CCDC32: variants seen among roughly 807,000 people sequenced by gnomAD.
CCDC32 encodes coiled-coil domain-containing protein 32.
CCDC32 carries 9 observed loss-of-function variants against 20.1 expected under a neutral mutation model. The observed-to-expected ratio is 0.45, with a 90% CI of 0.27 to 0.78. The LOEUF (loss-of-function observed/expected upper bound fraction) is 0.78, where lower values mean the gene tolerates loss of function less well. Ranked by LOEUF, CCDC32 falls within the 30% of genes least tolerant of loss-of-function variation. CCDC32 has a pLI of 0.16. For synonymous variants in CCDC32, 63 were observed against 79.0 expected (o/e 0.80, Z 1.07); for missense variants, 204 against 215.5 (o/e 0.95, Z 0.33).
downstream of CCDC32, among the ~76,000 whole-genome samples, chr15:40,530,245 A>G: frequency 7.2e-6 from 1 of 138,324 alleles, no homozygotes; most frequent in South Asian, 2.4e-4. Flanking sequence ...GTGAGCCAAG[A>G]TTGTGCCATT....
chr15:40,530,350 T>C (rs975790644), downstream of CCDC32, among the ~76,000 whole-genome samples: 1 of 149,682 alleles, frequency 6.7e-6, no homozygotes, highest in African/African-American at 2.4e-5. Flanking sequence ...TGGGAGATGT[T>C]TGGGTCATGG....
intron 2 of CCDC32, among the ~76,000 whole-genome samples, chr15:40,559,556 A>C (rs9806410): frequency 2.6e-5 from 4 of 151,972 alleles, no homozygotes; most frequent in African/African-American, 9.7e-5. Flanking sequence ...AAGCATTGCT[A>C]TCCTATCTTT....
downstream of CCDC32, chr15:40,534,835 A>T: frequency 1.4e-6 from 1 of 700,084 alleles, no homozygotes. Context: ...GTGTTTCAAC[A>T]TGTATATTTT....
At position 40,562,852 on chromosome 15, in the gene CCDC32, TCCCTCTG is replaced by T; in HGVS notation, c.157_163del (p.Gln53ArgfsTer11). The T allele has an allele frequency of 6.2e-7, 1 of 1,614,184 alleles. No individual in the cohort carries two copies. Among genetic ancestry groups the T allele is most frequent in the Non-Finnish European group, 8.5e-7 (1 of 1,180,042 alleles). ...TGGCTGGACAGCAAAGTCAGCCACCTCCCTCTGGCCTTCACCTTCAGGGCAAGAATCC... is the reference window on the plus strand; with the variant it reads ...TGGCTGGACAGCAAAGTCAGCCACCTGCCTTCACCTTCAGGGCAAGAATCC... On this transcript the variant is annotated frameshift_variant, in exon 2 of 4. Transcript: ENST00000416810. LOFTEE classifies it high-confidence loss of function.
At chr15:40,531,294 C>G (rs1286778713), downstream of CCDC32, 2 of 151,032 alleles carry the variant, frequency 1.3e-5, no homozygotes, top group African/African-American at 2.4e-5. Flanking sequence ...AACAAAACTT[C>G]ACCTATACCC....
Position 40,565,006 on chromosome 15 carries a change from A to T in CCDC32, c.-43T>A. 1 of 582,582 alleles carries T rather than the reference A, an allele frequency of 1.7e-6. No homozygotes were observed. Among genetic ancestry groups the T allele is most frequent in the Non-Finnish European group, 3.1e-6 (1 of 327,566 alleles). The allele number at this position is 582,582 out of a possible 1,614,324, so 36.1% of individuals were successfully genotyped here. On this transcript the variant is annotated 5_prime_UTR_variant, in exon 1 of 4. Transcript: ENST00000416810. ...CAGCTGCCCAGTAAACGCTTGGCTC[A>T]GCTCTGTCGCCTGTAGCCCGGAGGA...
chr15:40,534,261 C>G (rs1195758218), downstream of CCDC32: 1 of 152,486 alleles, frequency 6.6e-6, no homozygotes, highest in Non-Finnish European at 1.5e-5. Flanking sequence ...GGGTCCAGTT[C>G]TGGGAGAAAG....
At chr15:40,525,669 C>T (rs1894891942), downstream of CCDC32, among the ~76,000 whole-genome samples, 2 of 152,252 alleles carry the variant, frequency 1.3e-5, no homozygotes, top group Admixed American at 1.3e-4. Context: ...TGGCAGGCCA[C>T]TGGGACCTCG....
At chr15:40,535,141 G>T, downstream of CCDC32, 1 of 1,023,130 alleles carries the variant, frequency 9.8e-7, no homozygotes, top group Non-Finnish European at 1.4e-6. Flanking sequence ...TTTGATCAGA[G>T]CTGTGCATCA....
At chr15:40,560,397 G>T (rs761390889) in intron 2 of CCDC32, among the ~76,000 whole-genome samples, 2 of 152,116 alleles carry the variant, frequency 1.3e-5, no homozygotes, top group African/African-American at 4.8e-5. Flanking sequence ...AAAAACTTCC[G>T]TACAGCAAAA....
downstream of CCDC32, among the ~76,000 whole-genome samples, chr15:40,528,139 A>G (rs537653458): frequency 2.0e-4 from 30 of 152,344 alleles, 1 homozygote; most frequent in African/African-American, 7.2e-4. Flanking sequence ...GTAAACTGAG[A>G]GAGGCGAAGC....
At chr15:40,535,701 C>T (rs747006874), downstream of CCDC32, 15 of 946,294 alleles carry the variant, frequency 1.6e-5, no homozygotes, top group African/African-American at 1.4e-4. Flanking sequence ...CATCAGTGTG[C>T]GGGATTTGAG....
At chr15:40,560,665 T>C (rs1338575604) in intron 2 of CCDC32, among the ~76,000 whole-genome samples, 1 of 152,190 alleles carries the variant, frequency 6.6e-6, no homozygotes, top group Non-Finnish European at 1.5e-5. Flanking sequence ...GTCAAAATGG[T>C]GAGCTACCAC....
At chr15:40,521,416 T>C in the CCDC32 span, among the ~76,000 whole-genome samples, 21 of 152,262 alleles carry the variant, frequency 1.4e-4, no homozygotes, top group African/African-American at 4.8e-4. Context: ...TAATATTCCA[T>C]TGTATGGAAT....
downstream of CCDC32, among the ~76,000 whole-genome samples, chr15:40,530,291 C>CAAA (rs3068017): frequency 4.3e-3 from 427 of 99,080 alleles, 19 homozygotes; most frequent in East Asian, 0.017. Context: ...AACTACATCT[C>CAAA]AAAAAAAAAA....
chr15:40,559,224 G>T (rs1019802437), intron 2 of CCDC32, among the ~76,000 whole-genome samples: 5 of 152,170 alleles, frequency 3.3e-5, no homozygotes, highest in African/African-American at 1.2e-4. Flanking sequence ...TGGTAGCTGA[G>T]ATTACAGGCA....
rs757226415 is a variant in CCDC32 at position 40,557,349 on chromosome 15, C to T, written c.268G>A (p.Gly90Ser). The T allele has an allele frequency of 5.6e-6, 9 of 1,612,688 alleles. No individual in the cohort carries two copies. Among genetic ancestry groups the T allele is most frequent in the Non-Finnish European group, 5.9e-6 (7 of 1,179,620 alleles). Reference protein sequence around the residue: ...SLEKKLRRIKGLNQEVTSKDM... With the variant: ...SLEKKLRRIKSLNQEVTSKDM... ...TTGGAAGTCACTTCCTGATTTAAAC[C>T]TTTGATTCTTCTTAGCTTCTTCTCT... The change falls in exon 3 of 4, where the codon GGT becomes AGT. Residue 90 changes from glycine to serine, a missense_variant. Gly to Ser is a moderately conservative substitution (Grantham distance 56). Coordinates refer to ENST00000416810, the MANE Select transcript of CCDC32 (RefSeq NM_001080792.4).
Position 40,553,467 on chromosome 15 carries a change from GC to G in CCDC32, c.*503del, listed in dbSNP as rs1272708321. ...ATTTGTTAGAGAAGCCCCAGATGGG[GC>G]TTGGATTCAAGGAGCAGACTTCACT... On this transcript the variant is annotated 3_prime_UTR_variant, in exon 4 of 4. Coordinates refer to ENST00000416810, the MANE Select transcript of CCDC32 (RefSeq NM_001080792.4). 2.0e-6 allele frequency: 2 copies of G among 986,058 alleles called. No homozygotes were observed. Among genetic ancestry groups the G allele is most frequent in the Non-Finnish European group, 2.4e-6 (2 of 830,498 alleles). 61.1% of individuals were successfully genotyped at this position (986,058 alleles called of 1,614,324 possible).
At chr15:40,522,382 G>A in the CCDC32 span, among the ~76,000 whole-genome samples, 1 of 152,148 alleles carries the variant, frequency 6.6e-6, no homozygotes, top group African/African-American at 2.4e-5. Flanking sequence ...TTTGAAATTA[G>A]GAAGTGTGAG....
Sources: gnomAD v4.1 joint callset for allele counts (sites outside exome capture counted in the v4.1 genomes callset) on GRCh38, gnomAD v4.1.1 for gene constraint, MANE v1.5 for transcripts, NCBI Gene and HGNC (gene_info 2026-07-23, HGNC 2026-07-21) for gene names.